Variants in DPF1 observed in about 807,000 individuals in gnomAD.
DPF1 encodes zinc finger protein neuro-d4.
Under a neutral mutation model 58.7 loss-of-function variants are expected in DPF1, and 14 were observed. That is an observed-to-expected ratio of 0.24 (90% CI 0.16 to 0.37). The LOEUF is 0.37. Among genes scored for constraint, DPF1 ranks in the 10% least tolerant of loss-of-function variants. The probability of loss-of-function intolerance (pLI) is 1.00; values close to 1 mark genes in which losing one functional copy is unlikely to be tolerated. For synonymous variants in DPF1, 216 were observed against 216.0 expected (o/e 1.00, Z 0.00); for missense variants, 345 against 529.9 (o/e 0.65, Z 3.43).
upstream of DPF1, among the ~76,000 whole-genome samples, chr19:38,224,642 AC>A (rs1340638518): frequency 1.3e-5 from 2 of 151,106 alleles, no homozygotes; most frequent in Non-Finnish European, 3.0e-5. The surrounding 1 kb of genome is among the most constrained non-coding windows in gnomAD (Gnocchi z 4.5). Context: ...TCCAGCAGAC[AC>A]CCCCTCACCG....
At chr19:38,214,940 ATTCTCC>A (rs2146132709) in intron 9 of DPF1, among the ~76,000 whole-genome samples, 1 of 145,418 alleles carries the variant, frequency 6.9e-6, no homozygotes, top group Admixed American at 7.2e-5. Context: ...GGTTCAAGCG[ATTCTCC>A]TGCCTCAGCC....
intron 3 of DPF1, among the ~76,000 whole-genome samples, chr19:38,220,732 G>A (rs1384398547): frequency 6.6e-6 from 1 of 152,090 alleles, no homozygotes; most frequent in Non-Finnish European, 1.5e-5. Context: ...GACACATAGC[G>A]GGGAGATACC....
intron 10 of DPF1, among the ~76,000 whole-genome samples, chr19:38,213,380 G>A (rs1020828982): frequency 4.6e-5 from 7 of 152,176 alleles, no homozygotes; most frequent in Non-Finnish European, 8.8e-5. Flanking sequence ...GCTGACCCTG[G>A]GCAGGTCTCT....
intron 3 of DPF1, among the ~76,000 whole-genome samples, chr19:38,221,004 C>T (rs1407661231): frequency 3.3e-5 from 5 of 152,220 alleles, no homozygotes; most frequent in African/African-American, 9.6e-5. Context: ...CCAGACACTC[C>T]GAGGCACCCA....
Position 38,212,001 on chromosome 19 carries a change from TGAGGAGCTCGGA to T in DPF1, c.*50_*61del. 6.4e-7 allele frequency: 1 copy of T among 1,563,856 alleles called. No individual in the cohort carries two copies. The highest frequency in any genetic ancestry group is 1.2e-5 in the South Asian group (1 of 86,284). On this transcript the variant is annotated 3_prime_UTR_variant, in exon 12 of 12. Transcript: ENST00000355526. ...CGGGATGTTCAGGGTGGGGGAGAATTGAGGAGCTCGGAGAGGCAGGTAGGCGAGCACCACCCC... is the reference window on the plus strand; with the variant it reads ...CGGGATGTTCAGGGTGGGGGAGAATTGAGGCAGGTAGGCGAGCACCACCCC...
intron 5 of DPF1, 46 bp from the exon 6 acceptor site, chr19:38,217,922 G>C (rs781489174): frequency 1.2e-6 from 2 of 1,601,992 alleles, no homozygotes; most frequent in East Asian, 2.2e-5. Context: ...TGAGAAAACA[G>C]GCCAGGCGTG....
chr19:38,218,850 C>G, intron 4 of DPF1, 81 bp downstream of exon 4: 2 of 1,587,858 alleles, frequency 1.3e-6, no homozygotes, highest in Non-Finnish European at 1.7e-6. Flanking sequence ...GGTTTCAGAG[C>G]AGGAACGTGA....
chr19:38,217,276 AGGAGCGAT>A, intron 7 of DPF1, 176 bp downstream of exon 7: 3 of 715,626 alleles, frequency 4.2e-6, no homozygotes, highest in South Asian at 3.8e-5. Flanking sequence ...CCAGGAGCGA[AGGAGCGAT>A]GGTTGGTTGC....
At position 38,217,780 on chromosome 19, in the gene DPF1, C is replaced by G. The variant is rs753044378; in HGVS notation, c.595+18G>C. The G allele has an allele frequency of 2.5e-6, 4 of 1,613,958 alleles. No homozygotes were observed. Among genetic ancestry groups the G allele is most frequent in the South Asian group, 2.2e-5 (2 of 91,052 alleles). On this transcript the variant is annotated intron_variant, in intron 6 of 11. Coordinates refer to ENST00000355526, the MANE Select transcript of DPF1 (RefSeq NM_001135155.3). ...GGCACCCCTCTCTCTGCCTTTCCCC[C>G]TCTTCAGAAGGACTCACTATCACAG...
chr19:38,227,166 C>T (rs1020895591), upstream of DPF1, among the ~76,000 whole-genome samples: 2 of 151,638 alleles, frequency 1.3e-5, no homozygotes, highest in Non-Finnish European at 2.9e-5. Context: ...GCAGCCTCCA[C>T]CTCCCAGGCT....
chr19:38,217,257 T>C (rs901879320), intron 7 of DPF1: 5 of 658,648 alleles, frequency 7.6e-6, no homozygotes, highest in Non-Finnish European at 1.3e-5. Flanking sequence ...CCAGAAATAT[T>C]ACGCCCGGCC....
chr19:38,217,708 C>T (rs1275403164), intron 6 of DPF1, 90 bp downstream of exon 6: 1 of 1,586,680 alleles, frequency 6.3e-7, no homozygotes, highest in Non-Finnish European at 8.6e-7. Context: ...GCCTCCCAAC[C>T]CGGGTCTGGA....
upstream of DPF1, among the ~76,000 whole-genome samples, chr19:38,226,501 T>TACACACACACACA (rs1491357893): frequency 3.9e-4 from 25 of 64,094 alleles, no homozygotes; most frequent in African/African-American, 2.1e-3. Flanking sequence ...CACGGTCACT[T>TACACACACACACA]CTACACACAC....
At chr19:38,217,672 T>TC (rs1967131640) in intron 6 of DPF1, 81 bp from the exon 7 acceptor site, 30 of 1,536,820 alleles carry the variant, frequency 2.0e-5, no homozygotes, top group Non-Finnish European at 2.6e-5. Context: ...GGATCACACC[T>TC]CCCCCCTCAG....
In DPF1 at chr19:38,222,335, G is replaced by C; in HGVS notation, c.298+22C>G. On this transcript the variant is annotated intron_variant, in intron 3 of 11. Transcript: ENST00000355526. This position sits in a 1 kb window ranked among gnomAD's most constrained non-coding sequence, Gnocchi z 4.9. ...ACAGCAGGCGCTGGGACACCGATGG[G>C]GGCCCCAGCGGCTGCACCCACCGAT... The C allele has an allele frequency of 6.3e-7, 1 of 1,581,446 alleles. No homozygotes were observed. The highest frequency in any genetic ancestry group is 8.5e-7 in the Non-Finnish European group (1 of 1,169,846).
chr19:38,216,340 G>A lies in DPF1; in HGVS notation c.778+13C>T. 1.2e-6 allele frequency: 2 copies of A among 1,604,504 alleles called. No individual in the cohort carries two copies. The highest frequency in any genetic ancestry group is 1.7e-6 in the Non-Finnish European group (2 of 1,174,042). On this transcript the variant is annotated intron_variant, in intron 8 of 11. Transcript: ENST00000355526. ...TGGCTGCAGACTTTAGGAGCAGAAGGAGGCATCCGTACCTGTGTGTTTCCT... is the reference window on the plus strand; with the variant it reads ...TGGCTGCAGACTTTAGGAGCAGAAGAAGGCATCCGTACCTGTGTGTTTCCT...
upstream of DPF1, among the ~76,000 whole-genome samples, chr19:38,225,067 A>G (rs1022931339): frequency 6.6e-6 from 1 of 152,158 alleles, no homozygotes; most frequent in African/African-American, 2.4e-5. Flanking sequence ...CCTGGCCAAC[A>G]TGGTAGTAGT....
upstream of DPF1, among the ~76,000 whole-genome samples, chr19:38,226,417 G>A (rs1226448307): frequency 6.6e-6 from 1 of 150,488 alleles, no homozygotes; most frequent in Non-Finnish European, 1.5e-5. Context: ...CGACAGAAGT[G>A]GCCCGCTAGC....
Position 38,218,491 on chromosome 19 carries a change from C to T in DPF1, c.516+82G>A, listed in dbSNP as rs1018277862. 13 of 1,438,292 alleles carry T rather than the reference C, an allele frequency of 9.0e-6. No homozygotes were observed. The Admixed American group carries it at 2.2e-4, about 24-fold the overall frequency. 89.1% of individuals were successfully genotyped at this position (1,438,292 alleles called of 1,614,324 possible). On this transcript the variant is annotated intron_variant, in intron 5 of 11. Transcript: ENST00000355526. ...AGGTCAGACTGAGGTCAGACTGTGG[C>T]AGGGGCGGACCACTGCACCTGCTCC...
Sources: gnomAD v4.1 joint callset for allele counts (sites outside exome capture counted in the v4.1 genomes callset) on GRCh38, gnomAD v4.1.1 for gene constraint, Gnocchi (gnomAD v3.1) non-coding constraint, MANE v1.5 for transcripts, NCBI Gene and HGNC (gene_info 2026-07-23, HGNC 2026-07-21) for gene names.